The following XPOT variants were observed in gnomAD, a reference collection of about 807,000 sequenced individuals.
XPOT encodes the protein exportin for tRNA.
Under a neutral mutation model 128.2 loss-of-function variants are expected in XPOT, and 34 were observed. The ratio of observed to expected loss-of-function variants is 0.27; its 90% confidence interval spans 0.20 to 0.35. The LOEUF (loss-of-function observed/expected upper bound fraction) is 0.35. XPOT is among the 10% of genes least tolerant of loss of function. XPOT has a pLI of 1.00. For synonymous variants in XPOT, 348 were observed against 394.3 expected (o/e 0.88, Z 1.39); for missense variants, 838 against 1,125.3 (o/e 0.74, Z 3.65).
intron 1 of XPOT, among the ~76,000 whole-genome samples, chr12:64,406,723 A>G (rs1006278980): frequency 6.6e-6 from 1 of 151,850 alleles, no homozygotes; most frequent in African/African-American, 2.4e-5. Context: ...CTTTTATTGG[A>G]CTTCTCAATC....
rs746599270 is a variant in XPOT at position 64,425,331 on chromosome 12, G to A, written c.1453-7G>A. 13 of 1,612,102 alleles carry A rather than the reference G, an allele frequency of 8.1e-6. No individual in the cohort carries two copies. Among genetic ancestry groups the A allele is most frequent in the Non-Finnish European group, 1.1e-5 (13 of 1,179,550 alleles). Reference sequence around the variant, plus strand: ...AGAAGAGGTTTCCTAACTTTTTCCTGATCTAGCTGGTAACATCAGGAGTCA... The same window carrying A: ...AGAAGAGGTTTCCTAACTTTTTCCTAATCTAGCTGGTAACATCAGGAGTCA... On this transcript the variant is annotated splice_region_variant and splice_polypyrimidine_tract_variant and intron_variant, in intron 13 of 24. Transcript: ENST00000332707.
chr12:64,449,616 G>A lies in XPOT; in HGVS notation c.*1485G>A, dbSNP rs918424705. 5 of 151,948 alleles carry A rather than the reference G, an allele frequency of 3.3e-5. No individual in the cohort carries two copies. The highest frequency in any genetic ancestry group is 4.2e-4 in the South Asian group (2 of 4,816). The allele number at this position is 151,948 out of a possible 1,614,324, so 9.4% of individuals were successfully genotyped here. On this transcript the variant is annotated 3_prime_UTR_variant, in exon 25 of 25. Coordinates refer to ENST00000332707, the MANE Select transcript of XPOT (RefSeq NM_007235.6). ...AAATTTTGTACATTTATTTTGTTCC[G>A]GTTAATTCCAGAAGACATTTCAAAC... is the stretch of plus-strand genomic sequence containing the variant.
intron 2 of XPOT, among the ~76,000 whole-genome samples, chr12:64,411,683 C>G (rs2040039703): frequency 6.6e-6 from 1 of 152,130 alleles, no homozygotes; most frequent in East Asian, 1.9e-4. Flanking sequence ...TCTGAAAGCC[C>G]TTTTGTTGCA....
At chr12:64,441,495 C>G (rs981088496) in intron 23 of XPOT, among the ~76,000 whole-genome samples, 2 of 152,150 alleles carry the variant, frequency 1.3e-5, no homozygotes, top group Admixed American at 6.5e-5. Context: ...TGTGGTACAT[C>G]CAGCTTTGCT....
At chr12:64,423,083 T>C (rs369628616) in intron 10 of XPOT, 40 bp downstream of exon 10, 88 of 1,608,074 alleles carry the variant, frequency 5.5e-5, no homozygotes, top group Non-Finnish European at 7.2e-5. Context: ...ATGATAGATT[T>C]TTAGTCTGTA....
At chr12:64,428,015 T>C (rs766803239) in intron 15 of XPOT, 36 bp from the exon 16 acceptor site, 4 of 1,380,000 alleles carry the variant, frequency 2.9e-6, no homozygotes, top group Admixed American at 3.5e-5. Context: ...TTTTGAGCAC[T>C]GTTATTAATT....
chr12:64,443,987 A>G (rs2040347563), intron 23 of XPOT, among the ~76,000 whole-genome samples: 1 of 152,206 alleles, frequency 6.6e-6, no homozygotes, highest in African/African-American at 2.4e-5. Flanking sequence ...GTGCTCATCA[A>G]AAGTAGAACT....
chr12:64,434,943 A>G (rs1247680828), intron 21 of XPOT, 34 bp downstream of exon 21: 2 of 1,543,642 alleles, frequency 1.3e-6, no homozygotes, highest in Non-Finnish European at 1.8e-6. Flanking sequence ...TACCTTGTGT[A>G]GCTCATATAT....
At chr12:64,422,876 C>T in intron 9 of XPOT, 129 bp from the exon 10 acceptor site, 2 of 852,134 alleles carry the variant, frequency 2.3e-6, no homozygotes, top group Admixed American at 3.2e-5. Context: ...GCACTCCAGC[C>T]TGGGCAACAG....
intron 18 of XPOT, 121 bp downstream of exon 18, chr12:64,431,944 C>A: frequency 3.1e-6 from 3 of 953,852 alleles, no homozygotes; most frequent in Non-Finnish European, 4.6e-6. Context: ...TACTTAAGAG[C>A]CTCATGGATC....
chr12:64,410,042 G>A lies in XPOT; in HGVS notation c.7G>A (p.Glu3Lys). MD[E>K]QALLGLNPNA... The stretch of plus-strand genomic sequence containing the variant: ...TACAAGTATAACAGCGAGGATGGAT[G>A]AACAGGCTCTATTAGGGCTAAATCC... The change falls in exon 2 of 25, where the codon GAA becomes AAA. Residue 3 changes from glutamate (E) to lysine (K), a missense_variant. By Grantham distance (56) the Glu-to-Lys change is moderately conservative (BLOSUM62 1). Around this residue, in one of 3 missense-constraint regions of XPOT, gnomAD observed 761 missense variants for 988.3 expected, o/e 0.77. Coordinates refer to ENST00000332707, the MANE Select transcript of XPOT (RefSeq NM_007235.6). 1 of 1,613,830 alleles carries A rather than the reference G, an allele frequency of 6.2e-7. No homozygotes were observed. Among genetic ancestry groups the A allele is most frequent in the Non-Finnish European group, 8.5e-7 (1 of 1,179,938 alleles).
chr12:64,427,685 G>T (rs2040204547), intron 15 of XPOT, among the ~76,000 whole-genome samples: 2 of 151,940 alleles, frequency 1.3e-5, no homozygotes, highest in Non-Finnish European at 2.9e-5. Flanking sequence ...TGTAGAATCA[G>T]TCTCACCACA....
intron 1 of XPOT, among the ~76,000 whole-genome samples, chr12:64,406,398 C>T (rs1194673811): frequency 1.4e-5 from 2 of 142,204 alleles, no homozygotes; most frequent in Admixed American, 7.2e-5. Flanking sequence ...GATGGAGTTT[C>T]GCTCTCGTTG....
chr12:64,418,906 A>G lies in XPOT; in HGVS notation c.301A>G (p.Ile101Val). 1 of 1,613,946 alleles carries G rather than the reference A, an allele frequency of 6.2e-7. No individual in the cohort carries two copies. The highest frequency in any genetic ancestry group is 8.5e-7 in the Non-Finnish European group (1 of 1,179,866). The change falls in exon 6 of 25, where the codon ATA becomes GTA. Residue 101 changes from isoleucine (I) to valine (V), a missense_variant. By Grantham distance (29) the Ile-to-Val change is conservative (BLOSUM62 3). Transcript: ENST00000332707. ...GAATCCCCAACCAGAGAAGACCTTT[A>G]TACGAAATAAAGCCGCCCAAGTCTT... ...MLNPQPEKTF[I>V]RNKAAQVFAL...
At chr12:64,419,236 G>A (rs1404632767) in intron 6 of XPOT, 142 bp downstream of exon 6, 2 of 625,362 alleles carry the variant, frequency 3.2e-6, no homozygotes, top group East Asian at 3.1e-5. Flanking sequence ...CTGATGTTTT[G>A]GATTTTATTT....
At chr12:64,445,184 G>A (rs2040358583) in intron 24 of XPOT, 53 bp downstream of exon 24, 4 of 1,389,394 alleles carry the variant, frequency 2.9e-6, no homozygotes, top group Admixed American at 4.0e-5. Context: ...ATGTTTGAGA[G>A]CCAAGAGAGA....
chr12:64,420,017 C>A, intron 6 of XPOT, 53 bp from the exon 7 acceptor site: 2 of 1,485,718 alleles, frequency 1.3e-6, no homozygotes, highest in South Asian at 1.4e-5. Flanking sequence ...ATTCAGATAT[C>A]AAACATGATT....
Position 64,434,491 on chromosome 12 carries a change from A to AG in XPOT, c.2453-14dup. The AG allele has an allele frequency of 1.3e-6, 2 of 1,587,920 alleles. No individual in the cohort carries two copies. The highest frequency in any genetic ancestry group is 1.7e-6 in the Non-Finnish European group (2 of 1,159,304). On this transcript the variant is annotated splice_polypyrimidine_tract_variant and intron_variant, in intron 19 of 24. Coordinates refer to ENST00000332707, the MANE Select transcript of XPOT (RefSeq NM_007235.6). ...TAATTTTGGAAATTGCTTAAACTAAAGGTTTTTCTCCTCAGGTGCAGAGAA... is the reference window on the plus strand; with the variant it reads ...TAATTTTGGAAATTGCTTAAACTAAAGGGTTTTTCTCCTCAGGTGCAGAGAA...
intron 16 of XPOT, among the ~76,000 whole-genome samples, chr12:64,428,361 T>TATGAATGCTTTTATGA (rs2136026852): frequency 6.6e-6 from 1 of 152,310 alleles, no homozygotes; most frequent in African/African-American, 2.4e-5. Context: ...TGAAGCATTT[T>TATGAATGCTTTTATGA]ATGAAGAAGA....
Sources: gnomAD v4.1 joint callset for allele counts (sites outside exome capture counted in the v4.1 genomes callset) on GRCh38, gnomAD v4.1.1 for gene constraint, gnomAD v4.1.1 regional missense constraint, MANE v1.5 for transcripts, NCBI Gene and HGNC (gene_info 2026-07-23, HGNC 2026-07-21) for gene names.